The following GCA variants were observed in gnomAD, a reference collection of about 807,000 sequenced individuals.
GCA encodes grancalcin, also known as grancalcin, EF-hand calcium-binding protein.
A neutral mutation model predicts 32.6 loss-of-function variants in GCA; 30 were observed. That is an observed-to-expected ratio of 0.92 (90% CI 0.69 to 1.25). GCA has a LOEUF of 1.25. GCA is among the 50% of genes most tolerant of loss of function. GCA has a pLI of 0.00. For synonymous variants in GCA, 102 were observed against 84.6 expected, an observed-to-expected ratio of 1.21 and a Z score of -1.13; for missense variants, 291 against 266.8, an observed-to-expected ratio of 1.09 and a Z score of -0.63.
chr2:162,320,145 A>C (rs777031295), intron 1 of GCA, among the ~76,000 whole-genome samples: 3 of 152,184 alleles, frequency 2.0e-5, no homozygotes, highest in Non-Finnish European at 4.4e-5. Context: ...AGCTGGCATA[A>C]TGTTAAATAC....
rs927561367 is a variant in GCA, at chr2:162,333,141, A to G, written c.-31+13916A>G. Among the ~76,000 whole-genome samples, 13 of 152,196 alleles carry G rather than the reference A, an allele frequency of 8.5e-5. No individual in the cohort carries two copies. The South Asian group carries it at 1.0e-3, about 12-fold the overall frequency. On this transcript the variant is annotated intron_variant, in intron 1 of 4. Transcript: ENST00000429691. Reference sequence around the variant, plus strand: ...CAGCTGCCTTTACCAACAGTTTTTCATAGAATCAAATGCTAAAAAAGTTGA... The same window carrying G: ...CAGCTGCCTTTACCAACAGTTTTTCGTAGAATCAAATGCTAAAAAAGTTGA...
rs1287315981 is a variant in GCA at position 162,344,345 on chromosome 2, G to C, written c.27+70G>C. On this transcript the variant is annotated intron_variant, in intron 1 of 7. Transcript: ENST00000437150. ...TGGCGCCCCCGGGGGCGGTGCCAAC[G>C]TGCGGGTCCGCCCTTGGCTCCTGCT... The C allele has an allele frequency of 1.7e-5, 25 of 1,479,166 alleles. No homozygotes were observed. In the East Asian group the frequency reaches 5.3e-4, roughly 31 times the overall value. 91.6% of individuals were successfully genotyped at this position (1,479,166 alleles called of 1,614,324 possible). A position where few individuals can be genotyped will look rare whatever the true frequency, so the allele number is the denominator to read the frequency against.
intron 1 of GCA, chr2:162,319,285 G>A: frequency 2.2e-6 from 1 of 456,202 alleles, no homozygotes; most frequent in Non-Finnish European, 4.4e-6. Context: ...TATTTAGATT[G>A]CTGGTATTTA....
At chr2:162,352,288 T>C (rs745553459) in intron 2 of GCA, 50 bp from the exon 3 acceptor site, 1 of 1,060,606 alleles carries the variant, frequency 9.4e-7, no homozygotes, top group South Asian at 1.3e-5. Flanking sequence ...CATTTTAATA[T>C]GCTTTTATAC....
chr2:162,337,127 C>T (rs574741823), intron 1 of GCA, among the ~76,000 whole-genome samples: 1 of 152,180 alleles, frequency 6.6e-6, no homozygotes, highest in Non-Finnish European at 1.5e-5. Context: ...GGAGCCTAAC[C>T]TCTGTGGACT....
intron 1 of GCA, among the ~76,000 whole-genome samples, chr2:162,330,089 G>A (rs1195979216): frequency 2.0e-5 from 3 of 152,130 alleles, no homozygotes; most frequent in Admixed American, 6.5e-5. Flanking sequence ...GGGCATTTAG[G>A]TTGATTCCAT....
At chr2:162,349,972 A>T (rs1218012095) in intron 2 of GCA, among the ~76,000 whole-genome samples, 4 of 152,228 alleles carry the variant, frequency 2.6e-5, no homozygotes, top group Non-Finnish European at 4.4e-5. Flanking sequence ...AGGATTAGAC[A>T]ATATACACAG....
chr2:162,336,978 A>T (rs909556052), intron 1 of GCA, among the ~76,000 whole-genome samples: 1 of 152,176 alleles, frequency 6.6e-6, no homozygotes, highest in African/African-American at 2.4e-5. Flanking sequence ...CATGGGTTGA[A>T]ACGCTAACTG....
chr2:162,322,837 T>G (rs1683732971), intron 1 of GCA, among the ~76,000 whole-genome samples: 1 of 151,748 alleles, frequency 6.6e-6, no homozygotes. Flanking sequence ...TTCCAAGTCT[T>G]TGCTATTGTG....
upstream of GCA, among the ~76,000 whole-genome samples, chr2:162,343,927 AG>A (rs1684537130): frequency 6.6e-6 from 1 of 152,150 alleles, no homozygotes; most frequent in Non-Finnish European, 1.5e-5. Context: ...CGAGAACCTG[AG>A]GGAGCCAGTA....
rs1226963656 is a variant in GCA, at chr2:162,360,477, A to C, written c.*234A>C. On this transcript the variant is annotated 3_prime_UTR_variant, in exon 8 of 8. Coordinates refer to ENST00000437150, the MANE Select transcript of GCA (RefSeq NM_012198.5). ...ATTTTATAAATATGTGCATATTGTCATAAAATATTGTATGATTAATTGATT... is the reference window on the plus strand; with the variant it reads ...ATTTTATAAATATGTGCATATTGTCCTAAAATATTGTATGATTAATTGATT... The C allele has an allele frequency of 8.0e-6, 8 of 1,004,964 alleles. No homozygotes were observed. The Admixed American group carries it at 2.8e-4, about 35-fold the overall frequency. 62.3% of individuals were successfully genotyped at this position (1,004,964 alleles called of 1,614,324 possible).
At chr2:162,345,652 C>G (rs1199883392) in intron 1 of GCA, among the ~76,000 whole-genome samples, 1 of 152,180 alleles carries the variant, frequency 6.6e-6, no homozygotes, top group Non-Finnish European at 1.5e-5. Flanking sequence ...AAATAAACAA[C>G]TCTTTTCAGC....
chr2:162,355,622 G>C (rs1003417635), intron 3 of GCA, among the ~76,000 whole-genome samples: 3 of 151,530 alleles, frequency 2.0e-5, no homozygotes, highest in Non-Finnish European at 4.4e-5. Context: ...ATTAGAAAAG[G>C]ATTAGAAAAA....
intron 4 of GCA, 116 bp from the exon 5 acceptor site, chr2:162,356,642 T>C (rs1685285289): frequency 2.3e-6 from 2 of 859,976 alleles, no homozygotes; most frequent in African/African-American, 3.4e-5. Context: ...TATGCAGAAG[T>C]CTGTTCATAT....
At chr2:162,333,774 T>C (rs1389718886) in intron 1 of GCA, among the ~76,000 whole-genome samples, 3 of 151,778 alleles carry the variant, frequency 2.0e-5, no homozygotes, top group Non-Finnish European at 4.4e-5. Context: ...ATCTCAGAAA[T>C]GTTTCATTCA....
chr2:162,371,606 G>C, downstream of GCA: 1 of 815,842 alleles, frequency 1.2e-6, no homozygotes, highest in South Asian at 2.4e-5. Context: ...GGTGCCGTGA[G>C]ATGCTGGCAG....
chr2:162,350,495 G>C (rs1192000259), intron 2 of GCA, among the ~76,000 whole-genome samples: 1 of 152,012 alleles, frequency 6.6e-6, no homozygotes, highest in Non-Finnish European at 1.5e-5. Context: ...TACCTTAACT[G>C]TTCTACTCAT....
chr2:162,329,834 C>T (rs1448795996), intron 1 of GCA, among the ~76,000 whole-genome samples: 4 of 152,116 alleles, frequency 2.6e-5, no homozygotes, highest in Admixed American at 2.6e-4. Context: ...TCCCTCCTCG[C>T]ACCCTTCACT....
chr2:162,325,901 C>T (rs536829980), intron 1 of GCA, among the ~76,000 whole-genome samples: 5 of 152,238 alleles, frequency 3.3e-5, no homozygotes, highest in Admixed American at 6.5e-5. Flanking sequence ...TGTAGGGAGA[C>T]GGGGACCTGG....
Sources: gnomAD v4.1 joint callset for allele counts (sites outside exome capture counted in the v4.1 genomes callset) on GRCh38, gnomAD v4.1.1 for gene constraint, MANE v1.5 for transcripts, NCBI Gene and HGNC (gene_info 2026-07-23, HGNC 2026-07-21) for gene names.